NAA16: variants seen among roughly 807,000 people sequenced by gnomAD.
The protein encoded by NAA16 is NARG1-like protein.
In NAA16, 97 loss-of-function variants were observed where a neutral mutation model predicts 110.3. The ratio of observed to expected loss-of-function variants is 0.88; its 90% CI spans 0.75 to 1.04. The LOEUF is 1.04. Ranked by LOEUF, NAA16 falls within the 50% of genes least tolerant of loss-of-function variation. The pLI, the probability that NAA16 is intolerant of heterozygous loss-of-function variation, is 0.00. For synonymous variants in NAA16, 372 were observed against 330.6 expected, an observed-to-expected ratio of 1.13 and a Z score of -1.36; for missense variants, 1,017 against 1,005.1, an observed-to-expected ratio of 1.01 and a Z score of -0.16.
intron 12 of NAA16, 112 bp from the exon 13 acceptor site, chr13:41,361,919 C>A: frequency 8.9e-7 from 1 of 1,127,356 alleles, no homozygotes; most frequent in Non-Finnish European, 1.3e-6. Context: ...GATATATTTG[C>A]TAATTGCTGC....
rs191096294 is a variant in NAA16 at position 41,347,321 on chromosome 13, A to C, written c.1015-7823A>C. ...TTTATTATGTTTGTTTTTCAAGACTATTTTGGTTATTCAGGGTTCCTTTTA... is the reference window on the plus strand; with the variant it reads ...TTTATTATGTTTGTTTTTCAAGACTCTTTTGGTTATTCAGGGTTCCTTTTA... On this transcript the variant is annotated intron_variant, in intron 9 of 19. Coordinates refer to ENST00000379406, the MANE Select transcript of NAA16 (RefSeq NM_024561.5). Among the ~76,000 whole-genome samples the C allele has an allele frequency of 1.6e-3, 247 of 151,362 alleles. 1 individual carries two copies. Among genetic ancestry groups the C allele is most frequent in the African/African-American group, 5.7e-3 (235 of 41,340 alleles).
At chr13:41,336,052 G>A (rs2042373051) in intron 8 of NAA16, among the ~76,000 whole-genome samples, 1 of 151,864 alleles carries the variant, frequency 6.6e-6, no homozygotes. Flanking sequence ...TTGCAAATAG[G>A]GTATTTATTT....
At chr13:41,347,911 C>T (rs1280187035) in intron 9 of NAA16, among the ~76,000 whole-genome samples, 1 of 152,026 alleles carries the variant, frequency 6.6e-6, no homozygotes, top group African/African-American at 2.4e-5. Flanking sequence ...TTGTCTTGTT[C>T]CTGCTCTTAG....
intron 8 of NAA16, among the ~76,000 whole-genome samples, chr13:41,335,253 G>T (rs967266099): frequency 1.3e-5 from 2 of 151,992 alleles, no homozygotes; most frequent in Non-Finnish European, 2.9e-5. Context: ...TGATTACTAC[G>T]TGCAAGACAT....
At chr13:41,322,769 T>C (rs2041979591) in intron 4 of NAA16, among the ~76,000 whole-genome samples, 2 of 151,928 alleles carry the variant, frequency 1.3e-5, no homozygotes, top group Admixed American at 6.6e-5. Flanking sequence ...ACAGAATATT[T>C]AGTTACCAAA....
At chr13:41,350,597 GTTTT>G (rs377318965) in intron 9 of NAA16, among the ~76,000 whole-genome samples, 1 of 26,184 alleles carries the variant, frequency 3.8e-5, no homozygotes, top group Non-Finnish European at 7.4e-5. Flanking sequence ...CGCCCTGCCA[GTTTT>G]TTTTTGTTTT....
intron 2 of NAA16, among the ~76,000 whole-genome samples, chr13:41,317,503 A>G (rs1231146182): frequency 6.6e-6 from 1 of 152,254 alleles, no homozygotes; most frequent in Admixed American, 6.5e-5. Context: ...CAGGATAGAC[A>G]TGAAAATAAT....
intron 18 of NAA16, chr13:41,374,480 C>A: frequency 3.9e-6 from 1 of 257,320 alleles, no homozygotes; most frequent in Non-Finnish European, 7.4e-6. Context: ...GTTTAATAAC[C>A]ATCATTTTGT....
At chr13:41,351,049 C>T (rs563066282) in intron 9 of NAA16, among the ~76,000 whole-genome samples, 89 of 152,276 alleles carry the variant, frequency 5.8e-4, no homozygotes, top group Middle Eastern at 3.4e-3. Flanking sequence ...TAAGTGAAGA[C>T]GTTCAATGAG....
rs773812354 is a variant in NAA16, at chr13:41,362,012, T to C, written c.1411-19T>C. ...CTTTCATTGTTTGCTCTCTATAGTT[T>C]TGAATGCTTCCATTTCAGGAAGGAA... is the stretch of plus-strand genomic sequence containing the variant. On this transcript the variant is annotated intron_variant, in intron 12 of 19. Coordinates refer to ENST00000379406, the MANE Select transcript of NAA16 (RefSeq NM_024561.5). 2.5e-6 allele frequency: 4 copies of C among 1,610,312 alleles called. No individual in the cohort carries two copies. The Admixed American group carries it at 5.1e-5, about 20-fold the overall frequency.
intron 7 of NAA16, among the ~76,000 whole-genome samples, chr13:41,330,175 G>A (rs922139559): frequency 5.3e-5 from 8 of 151,850 alleles, no homozygotes; most frequent in Admixed American, 1.3e-4. Flanking sequence ...AACAGAGAGC[G>A]AGGTTTTTTT....
At chr13:41,372,956 G>A (rs2043352123) in intron 17 of NAA16, 126 bp downstream of exon 17, 2 of 1,159,982 alleles carry the variant, frequency 1.7e-6, no homozygotes. Flanking sequence ...GCCCTGATTT[G>A]TATTTTCATG....
At chr13:41,347,480 A>G (rs1186809547) in intron 9 of NAA16, among the ~76,000 whole-genome samples, 2 of 152,088 alleles carry the variant, frequency 1.3e-5, no homozygotes, top group Non-Finnish European at 2.9e-5. Context: ...CAATCTTCGA[A>G]CATGGGATGT....
rs552994815 is a variant in NAA16 at position 41,320,767 on chromosome 13, A to G, written c.345A>G (p.Gln115=). 9.9e-6 allele frequency: 16 copies of G among 1,613,338 alleles called. 1 individual carries two copies. In the Admixed American group the frequency reaches 1.7e-4, roughly 17 times the overall value. Residue 115 remains glutamine, a synonymous_variant, in exon 4 of 20, where the codon CAA becomes CAG. Coordinates refer to ENST00000379406, the MANE Select transcript of NAA16 (RefSeq NM_024561.5). ...TCAAATTAGATAAAGATAACCTGCA[A>G]ATTTTGAGGGATCTCTCACTGTTGC... ...NALKLDKDNL[Q]ILRDLSLLQI...
Position 41,367,451 on chromosome 13 carries a change from A to G in NAA16, c.1552A>G (p.Ile518Val), listed in dbSNP as rs1455552503. ...TTTTGTTTTTAAGCATTTTTTTGAG[A>G]TAACTGATGACCAATTCGACTTCCA... The part of the protein sequence containing the change: ...CHEVERHFFE[I>V]TDDQFDFHTY... The change falls in exon 14 of 20, where the codon ATA becomes GTA. Residue 518 changes from isoleucine (I) to valine (V), a missense_variant. By Grantham distance (29) the Ile-to-Val change is conservative. Transcript: ENST00000379406. The G allele has an allele frequency of 1.3e-6, 2 of 1,593,866 alleles. No individual in the cohort carries two copies. The highest frequency in any genetic ancestry group is 1.1e-5 in the South Asian group (1 of 88,174).
chr13:41,358,693 ATAAAT>A, intron 11 of NAA16, 112 bp from the exon 12 acceptor site: 1 of 1,444,270 alleles, frequency 6.9e-7, no homozygotes, highest in Non-Finnish European at 9.1e-7. Flanking sequence ...TGATTTCTAA[ATAAAT>A]TTGACAGAAA....
At chr13:41,340,363 T>A in intron 9 of NAA16, among the ~76,000 whole-genome samples, 1 of 152,138 alleles carries the variant, frequency 6.6e-6, no homozygotes, top group East Asian at 1.9e-4. Context: ...AGTTATTGCC[T>A]TCTGCTAGCT....
At chr13:41,355,848 C>A (rs912583673) in intron 10 of NAA16, among the ~76,000 whole-genome samples, 1 of 152,182 alleles carries the variant, frequency 6.6e-6, no homozygotes, top group African/African-American at 2.4e-5. Flanking sequence ...GCTTTTTCTA[C>A]CCTCTTATTA....
intron 17 of NAA16, 115 bp from the exon 18 acceptor site, chr13:41,373,522 T>G (rs2043364184): frequency 1.6e-6 from 2 of 1,251,758 alleles, no homozygotes; most frequent in Non-Finnish European, 2.1e-6. Context: ...CCTCCCAAAG[T>G]GCTGGGATTA....
Sources: allele counts gnomAD v4.1 joint callset (sites outside exome capture counted in the v4.1 genomes callset), GRCh38; gene constraint gnomAD v4.1.1; transcripts MANE v1.5; gene names NCBI Gene and HGNC (gene_info 2026-07-23, HGNC 2026-07-21).